Variants in ZFAND6 observed in about 807,000 individuals in gnomAD.
ZFAND6 encodes AN1-type zinc finger protein 6.
A neutral mutation model predicts 24.5 loss-of-function variants in ZFAND6; 12 were observed. The ratio of observed to expected loss-of-function variants is 0.49; its 90% CI spans 0.31 to 0.79. ZFAND6 has a LOEUF of 0.79. Among genes scored for constraint, ZFAND6 ranks in the 30% least tolerant of loss-of-function variants. The probability of loss-of-function intolerance (pLI) is 0.04; values close to 1 mark genes in which losing one functional copy is unlikely to be tolerated. For missense variants in ZFAND6, 207 were observed against 245.9 expected (o/e 0.84, Z 1.06); for synonymous variants, 92 against 81.5 (o/e 1.13, Z -0.69).
intron 6 of ZFAND6, among the ~76,000 whole-genome samples, chr15:80,136,267 C>G (rs2040857904): frequency 6.6e-6 from 1 of 152,076 alleles, no homozygotes; most frequent in South Asian, 2.1e-4. Context: ...GAGATCTAGA[C>G]CATCCTGGCC....
At chr15:80,062,113 A>G (rs531650800) in intron 1 of ZFAND6, among the ~76,000 whole-genome samples, 138 of 152,286 alleles carry the variant, frequency 9.1e-4, no homozygotes, top group African/African-American at 3.2e-3. Flanking sequence ...TATGTAAAAT[A>G]AATTATCCTT....
chr15:80,076,856 A>G (rs2037313151), intron 1 of ZFAND6, among the ~76,000 whole-genome samples: 1 of 152,166 alleles, frequency 6.6e-6, no homozygotes. Flanking sequence ...CTTCTAAGGC[A>G]TAGTGAAAAC....
intron 1 of ZFAND6, among the ~76,000 whole-genome samples, chr15:80,097,039 G>A (rs936151512): frequency 2.3e-5 from 3 of 133,078 alleles, no homozygotes; most frequent in Non-Finnish European, 3.1e-5. Context: ...TCCCTCTGTT[G>A]CCCAGGCTGG....
At chr15:80,111,596 A>G (rs1373664995) in intron 2 of ZFAND6, 5 of 452,486 alleles carry the variant, frequency 1.1e-5, no homozygotes, top group African/African-American at 8.0e-5. Context: ...ATATAGCAAT[A>G]TAGGATAAGT....
At chr15:80,066,713 G>A (rs756537280) in intron 1 of ZFAND6, among the ~76,000 whole-genome samples, 2 of 151,912 alleles carry the variant, frequency 1.3e-5, no homozygotes, top group Non-Finnish European at 2.9e-5. Flanking sequence ...CCTGGCCAAC[G>A]TGGCGAAACC....
At chr15:80,136,719 A>G (rs762931166) in intron 6 of ZFAND6, among the ~76,000 whole-genome samples, 2 of 152,230 alleles carry the variant, frequency 1.3e-5, no homozygotes, top group Non-Finnish European at 2.9e-5. Flanking sequence ...GTATCATACC[A>G]TAAAATTCTA....
intron 1 of ZFAND6, among the ~76,000 whole-genome samples, chr15:80,087,762 A>G (rs945078720): frequency 6.6e-6 from 1 of 152,222 alleles, no homozygotes; most frequent in East Asian, 1.9e-4. Context: ...CATGTACAGT[A>G]CAAGGAGCTT....
At chr15:80,117,413 G>A (rs1171841572) in intron 2 of ZFAND6, among the ~76,000 whole-genome samples, 2 of 152,032 alleles carry the variant, frequency 1.3e-5, no homozygotes, top group African/African-American at 2.4e-5. Flanking sequence ...TAGTAGAGAC[G>A]GGGTTTCAAT....
At chr15:80,110,458 A>G (rs961068853) in intron 2 of ZFAND6, among the ~76,000 whole-genome samples, 21 of 152,158 alleles carry the variant, frequency 1.4e-4, no homozygotes, top group African/African-American at 4.8e-4. Context: ...GTATTAGCAC[A>G]TCTGTAGATT....
chr15:80,129,696 A>G (rs2040512831), intron 5 of ZFAND6: 1 of 152,210 alleles, frequency 6.6e-6, no homozygotes, highest in South Asian at 2.1e-4. Flanking sequence ...TCAAAGTTAA[A>G]CCAAGTTAAG....
chr15:80,097,651 CAAAT>C (rs71453502), intron 1 of ZFAND6, among the ~76,000 whole-genome samples: 12 of 150,112 alleles, frequency 8.0e-5, no homozygotes, highest in South Asian at 2.1e-4. Context: ...GAAACTGTCT[CAAAT>C]AAATAAATAA....
chr15:80,080,807 A>G (rs2037619941), intron 1 of ZFAND6, among the ~76,000 whole-genome samples: 1 of 152,230 alleles, frequency 6.6e-6, no homozygotes, highest in South Asian at 2.1e-4. Flanking sequence ...GCATCACATG[A>G]CAAAAGCCAG....
chr15:80,082,342 A>G (rs573825807), intron 1 of ZFAND6, among the ~76,000 whole-genome samples: 5 of 152,362 alleles, frequency 3.3e-5, no homozygotes, highest in East Asian at 1.9e-4. Context: ...GCAGATGATA[A>G]TGCTAAGTTT....
intron 1 of ZFAND6, among the ~76,000 whole-genome samples, chr15:80,080,544 T>G (rs1471818382): frequency 1.3e-5 from 2 of 152,210 alleles, no homozygotes; most frequent in African/African-American, 2.4e-5. Flanking sequence ...CCTCCCTCTT[T>G]CTCTCAAAAT....
rs58915501 is a variant in ZFAND6, at chr15:80,136,463, C to CA, written c.479-1006dup. Among the ~76,000 whole-genome samples the CA allele has an allele frequency of 9.8e-3, 1,340 of 136,974 alleles. 21 individuals are homozygous for CA. Among genetic ancestry groups the CA allele is most frequent in the African/African-American group, 0.026 (968 of 37,258 alleles). 89.9% of individuals were successfully genotyped at this position (136,974 alleles called of 152,430 possible). On this transcript the variant is annotated intron_variant, in intron 6 of 6. Transcript: ENST00000261749. Reference sequence around the variant, plus strand: ...CTGGTGACAAAGTGAGACTCCGTGTCAAAAAAAAAAAGGAAAAAAGATAGC... The same window carrying CA: ...CTGGTGACAAAGTGAGACTCCGTGTCAAAAAAAAAAAAGGAAAAAAGATAGC...
At chr15:80,108,898 T>A (rs2039471211) in intron 2 of ZFAND6, among the ~76,000 whole-genome samples, 1 of 152,082 alleles carries the variant, frequency 6.6e-6, no homozygotes. Flanking sequence ...TGGCTAATTT[T>A]TGTATTTTTA....
At chr15:80,068,981 T>G (rs1167859627) in intron 1 of ZFAND6, among the ~76,000 whole-genome samples, 1 of 152,264 alleles carries the variant, frequency 6.6e-6, no homozygotes, top group Non-Finnish European at 1.5e-5. Context: ...TTGCATAGTT[T>G]ACAGAGAATG....
At position 80,086,760 on chromosome 15, in the gene ZFAND6, A is replaced by G. The variant is rs1390811784; in HGVS notation, c.-180-11656A>G. The stretch of plus-strand genomic sequence containing the variant: ...TGTTGTATAACTATTACCACTTTCC[A>G]TCTCTAGAACTATAAAAATTGTCCC... On this transcript the variant is annotated intron_variant, in intron 1 of 6. Transcript: ENST00000261749. Among the ~76,000 whole-genome samples the G allele has an allele frequency of 2.0e-5, 3 of 152,208 alleles. No homozygotes were observed. The East Asian group carries it at 5.8e-4, about 29-fold the overall frequency.
chr15:80,083,930 A>G (rs1256641875), intron 1 of ZFAND6, among the ~76,000 whole-genome samples: 1 of 152,204 alleles, frequency 6.6e-6, no homozygotes, highest in Admixed American at 6.5e-5. Context: ...CTTCATAGAC[A>G]AGATGAGCTA....
Sources: gnomAD v4.1 joint callset for allele counts (sites outside exome capture counted in the v4.1 genomes callset) on GRCh38, gnomAD v4.1.1 for gene constraint, MANE v1.5 for transcripts, NCBI Gene and HGNC (gene_info 2026-07-23, HGNC 2026-07-21) for gene names.